Variants in RXFP1 observed in about 807,000 individuals in gnomAD.
RXFP1 encodes the protein relaxin receptor 1.
In RXFP1, 73 loss-of-function variants were observed where a neutral mutation model predicts 89.8. The observed-to-expected ratio is 0.81, with a 90% CI of 0.67 to 0.99. The LOEUF is 0.99. RXFP1 is among the 50% of genes least tolerant of loss of function. RXFP1 has a pLI of 0.00. For synonymous variants in RXFP1, 277 were observed against 305.5 expected, an observed-to-expected ratio of 0.91 and a Z score of 0.97; for missense variants, 793 against 895.5, an observed-to-expected ratio of 0.89 and a Z score of 1.46.
intron 2 of RXFP1, chr4:158,573,078 G>A (rs961288440): frequency 8.4e-6 from 3 of 355,900 alleles, no homozygotes; most frequent in East Asian, 6.9e-5. Flanking sequence ...GCGTGATCTC[G>A]GCTCACTGCA....
intron 1 of RXFP1, among the ~76,000 whole-genome samples, chr4:158,554,505 A>G (rs1037830763): frequency 6.6e-6 from 1 of 152,204 alleles, no homozygotes; most frequent in Admixed American, 6.5e-5. Flanking sequence ...ATTTTTCAAC[A>G]TACTTTGTAA....
intron 1 of RXFP1, among the ~76,000 whole-genome samples, chr4:158,563,789 G>C (rs934136412): frequency 2.0e-5 from 3 of 150,530 alleles, no homozygotes; most frequent in African/African-American, 4.9e-5. Context: ...GATTACAATG[G>C]AGCCAAAAAA....
intron 1 of RXFP1, among the ~76,000 whole-genome samples, chr4:158,546,192 A>G (rs2149857725): frequency 6.6e-6 from 1 of 151,934 alleles, no homozygotes; most frequent in African/African-American, 2.4e-5. Context: ...ATTCCTAGGT[A>G]TTTTATTCTC....
intron 1 of RXFP1, among the ~76,000 whole-genome samples, chr4:158,556,542 C>T (rs1334350447): frequency 6.6e-6 from 1 of 152,124 alleles, no homozygotes; most frequent in Non-Finnish European, 1.5e-5. Context: ...ACCATATGAT[C>T]CAGCAATCCT....
intron 4 of RXFP1, among the ~76,000 whole-genome samples, chr4:158,603,132 G>T (rs1165990080): frequency 2.0e-5 from 3 of 151,846 alleles, no homozygotes; most frequent in African/African-American, 7.3e-5. Context: ...GCGGTGGGGG[G>T]GCAGTCTCAC....
intron 1 of RXFP1, among the ~76,000 whole-genome samples, chr4:158,532,256 C>T (rs1744248022): frequency 6.6e-6 from 1 of 152,102 alleles, no homozygotes; most frequent in Non-Finnish European, 1.5e-5. Flanking sequence ...CCTGTTGCTG[C>T]AAAGGACAGG....
intron 10 of RXFP1, among the ~76,000 whole-genome samples, chr4:158,628,396 T>C (rs1477216215): frequency 6.6e-6 from 1 of 152,218 alleles, no homozygotes; most frequent in East Asian, 1.9e-4. Context: ...TCACCATTTC[T>C]CGTGCAAAGC....
chr4:158,544,695 G>T (rs966375373), intron 1 of RXFP1, among the ~76,000 whole-genome samples: 55 of 152,142 alleles, frequency 3.6e-4, no homozygotes, highest in African/African-American at 1.2e-3. Flanking sequence ...AGAACATGAG[G>T]TGTTTGGTTT....
intron 1 of RXFP1, among the ~76,000 whole-genome samples, chr4:158,545,765 T>G (rs1364219049): frequency 6.6e-6 from 1 of 152,188 alleles, no homozygotes; most frequent in East Asian, 1.9e-4. Context: ...GCTGTAGATA[T>G]GCGGCATTAT....
intron 12 of RXFP1, among the ~76,000 whole-genome samples, chr4:158,637,409 T>C (rs1769406552): frequency 6.6e-6 from 1 of 152,190 alleles, no homozygotes; most frequent in East Asian, 1.9e-4. Flanking sequence ...AACCCTTATC[T>C]TTCATCTTTT....
At position 158,539,338 on chromosome 4, in the gene RXFP1, G is replaced by A. The variant is rs182276897; in HGVS notation, c.49+17313G>A. ...ACACACCGGGGACTATTGTGGAGTG[G>A]GGGGAGGGGGAAGGGATAGCATTAG... is the stretch of plus-strand genomic sequence containing the variant. On this transcript the variant is annotated intron_variant, in intron 1 of 17. Coordinates refer to ENST00000307765, the MANE Select transcript of RXFP1 (RefSeq NM_021634.4). 4.6e-5 allele frequency among the ~76,000 whole-genome samples: 7 copies of A among 152,164 alleles called. No individual in the cohort carries two copies. The East Asian group carries it at 5.8e-4, about 13-fold the overall frequency.
At chr4:158,630,072 C>T (rs1009963594) in intron 11 of RXFP1, among the ~76,000 whole-genome samples, 1 of 152,192 alleles carries the variant, frequency 6.6e-6, no homozygotes, top group East Asian at 1.9e-4. Flanking sequence ...GGACACCTTA[C>T]TTGGGCACTC....
At chr4:158,596,223 GT>G (rs1259012036) in intron 3 of RXFP1, among the ~76,000 whole-genome samples, 2 of 150,760 alleles carry the variant, frequency 1.3e-5, no homozygotes, top group Non-Finnish European at 3.0e-5. Context: ...TCTCAAAACA[GT>G]TTTTTTCTTT....
At chr4:158,523,948 C>A (rs188233329) in intron 1 of RXFP1, among the ~76,000 whole-genome samples, 3 of 152,128 alleles carry the variant, frequency 2.0e-5, no homozygotes, top group African/African-American at 7.2e-5. Flanking sequence ...ACGGGAAAGG[C>A]GATGTGATAT....
At chr4:158,650,750 T>C (rs542001845) in intron 17 of RXFP1, among the ~76,000 whole-genome samples, 42 of 152,116 alleles carry the variant, frequency 2.8e-4, no homozygotes, top group African/African-American at 9.4e-4. Context: ...ACCTGGGTGA[T>C]AGAGCAAGAC....
chr4:158,591,121 A>G (rs1212186417), intron 2 of RXFP1, among the ~76,000 whole-genome samples: 1 of 152,220 alleles, frequency 6.6e-6, no homozygotes. Flanking sequence ...ATCTATAACA[A>G]GAATCCTGGC....
chr4:158,636,191 G>A (rs541077925), intron 12 of RXFP1, among the ~76,000 whole-genome samples: 1 of 152,000 alleles, frequency 6.6e-6, no homozygotes, highest in Non-Finnish European at 1.5e-5. Flanking sequence ...AGGAGTTTGA[G>A]TACAGCCTGA....
At chr4:158,545,861 T>C (rs897997112) in intron 1 of RXFP1, among the ~76,000 whole-genome samples, 8 of 152,312 alleles carry the variant, frequency 5.3e-5, no homozygotes, top group Middle Eastern at 3.4e-3. Context: ...AGCCTTGTAG[T>C]ATAGTTTGAA....
chr4:158,606,009 G>GA (rs1303504730), intron 5 of RXFP1, among the ~76,000 whole-genome samples: 4 of 152,156 alleles, frequency 2.6e-5, no homozygotes, highest in African/African-American at 9.7e-5. Flanking sequence ...TAAAAACCCA[G>GA]ATAGTCTGCA....
Sources: gnomAD v4.1 joint callset for allele counts (sites outside exome capture counted in the v4.1 genomes callset) on GRCh38, gnomAD v4.1.1 for gene constraint, MANE v1.5 for transcripts, NCBI Gene and HGNC (gene_info 2026-07-23, HGNC 2026-07-21) for gene names.